CADM2: variants seen among roughly 807,000 people sequenced by gnomAD.
The protein encoded by CADM2 is immunoglobulin superfamily member 4D.
Under a neutral mutation model 49.8 loss-of-function variants are expected in CADM2, and 12 were observed. The observed-to-expected ratio is 0.24, with a 90% confidence interval of 0.15 to 0.39. CADM2 has a LOEUF of 0.39. Ranked by LOEUF, CADM2 falls within the 10% of genes least tolerant of loss-of-function variation. CADM2 has a pLI of 1.00. For synonymous variants in CADM2, 214 were observed against 175.4 expected (o/e 1.22, Z -1.74); for missense variants, 378 against 492.3 (o/e 0.77, Z 2.20).
chr3:84,985,831 T>G (rs2032520298), intron 1 of CADM2, among the ~76,000 whole-genome samples: 1 of 152,198 alleles, frequency 6.6e-6, no homozygotes, highest in South Asian at 2.1e-4. Context: ...TGAAGTACCT[T>G]CAATGCAATT....
intron 8 of CADM2, among the ~76,000 whole-genome samples, chr3:85,995,905 A>C (rs550809837): frequency 1.2e-3 from 183 of 151,906 alleles, no homozygotes; most frequent in Non-Finnish European, 2.0e-3. Context: ...CTGGCTAACC[A>C]GGTGAAACAC....
At chr3:84,976,826 A>T (rs1317601309) in intron 1 of CADM2, among the ~76,000 whole-genome samples, 1 of 151,958 alleles carries the variant, frequency 6.6e-6, no homozygotes. Flanking sequence ...TTACTCTGGC[A>T]TATCATCTTA....
chr3:85,041,416 C>T (rs2035436196), intron 1 of CADM2, among the ~76,000 whole-genome samples: 2 of 151,966 alleles, frequency 1.3e-5, no homozygotes, highest in Admixed American at 6.6e-5. Flanking sequence ...GACAGAGAGA[C>T]GGAGTAAGAA....
chr3:85,046,478 G>C (rs2035661210), intron 1 of CADM2, among the ~76,000 whole-genome samples: 1 of 151,900 alleles, frequency 6.6e-6, no homozygotes. Context: ...GTAAAACACA[G>C]TATATCAGTT....
intron 8 of CADM2, among the ~76,000 whole-genome samples, chr3:85,973,454 C>T (rs555967216): frequency 6.6e-6 from 1 of 151,732 alleles, no homozygotes; most frequent in African/African-American, 2.4e-5. Context: ...CAAAAGTTTA[C>T]CATGAAGTTC....
chr3:85,734,167 C>T (rs1269888913), intron 2 of CADM2, among the ~76,000 whole-genome samples: 2 of 152,018 alleles, frequency 1.3e-5, no homozygotes, highest in Non-Finnish European at 2.9e-5. Context: ...TTATCACTGG[C>T]AAAGTGTACA....
intron 1 of CADM2, among the ~76,000 whole-genome samples, chr3:85,499,017 A>G (rs1336071264): frequency 6.6e-6 from 1 of 152,182 alleles, no homozygotes; most frequent in Non-Finnish European, 1.5e-5. Flanking sequence ...TCAGGGAGCC[A>G]GGATTTTATT....
chr3:85,282,590 T>C (rs1031240823), intron 1 of CADM2, among the ~76,000 whole-genome samples: 1 of 151,894 alleles, frequency 6.6e-6, no homozygotes, highest in Non-Finnish European at 1.5e-5. Context: ...TATTTTTACC[T>C]TTAAACTGAA....
At chr3:85,550,387 T>C (rs753964328) in intron 1 of CADM2, among the ~76,000 whole-genome samples, 1 of 152,318 alleles carries the variant, frequency 6.6e-6, no homozygotes, top group African/African-American at 2.4e-5. Context: ...TAGTTCTCAA[T>C]GTGTGGTCCC....
intron 1 of CADM2, among the ~76,000 whole-genome samples, chr3:85,425,359 CT>C (rs1338974447): frequency 1.3e-5 from 2 of 152,014 alleles, no homozygotes; most frequent in Non-Finnish European, 2.9e-5. Context: ...TCTTGTTTTC[CT>C]TTTATTTTTA....
rs550723768 is a variant in CADM2, at chr3:84,959,628, C to G, written c.21C>G (p.Ala7=). Residue 7 remains alanine, a synonymous_variant, in exon 1 of 10, where the codon GCC becomes GCG. Coordinates refer to ENST00000383699, the MANE Select transcript of CADM2 (RefSeq NM_001167675.2). MIWKRS[A]VLRFYSVCGL... ...GGACCATGATTTGGAAACGCAGCGC[C>G]GTTCTCCGCTTCTACAGTGTCTGCG... 10 of 1,537,006 alleles carry G rather than the reference C, an allele frequency of 6.5e-6. No individual in the cohort carries two copies. The highest frequency in any genetic ancestry group is 2.0e-5 in the Admixed American group (1 of 50,986).
chr3:85,303,685 T>C (rs1234049407), intron 1 of CADM2, among the ~76,000 whole-genome samples: 2 of 151,956 alleles, frequency 1.3e-5, no homozygotes, highest in South Asian at 2.1e-4. Flanking sequence ...AAATAGCCTA[T>C]ATAATGTCAA....
At chr3:85,690,737 CT>C (rs573854391) in intron 1 of CADM2, among the ~76,000 whole-genome samples, 22 of 152,086 alleles carry the variant, frequency 1.4e-4, no homozygotes, top group Non-Finnish European at 2.8e-4. Context: ...GTCATATTCT[CT>C]TTTTTAGAAA....
chr3:85,759,093 G>A (rs994163820), intron 2 of CADM2, among the ~76,000 whole-genome samples: 2 of 151,884 alleles, frequency 1.3e-5, no homozygotes, highest in African/African-American at 2.4e-5. Context: ...TCAAACAGAG[G>A]CTGATTTCAT....
rs137901341 is a variant in CADM2, at chr3:86,058,463, G to T, written c.971-7142G>T. Among the ~76,000 whole-genome samples the T allele has an allele frequency of 2.6e-5, 4 of 152,144 alleles. No individual in the cohort carries two copies. The East Asian group carries it at 7.8e-4, about 29-fold the overall frequency. The stretch of plus-strand genomic sequence containing the variant: ...GGGAAATAAGTATTCACATTCTAAA[G>T]ATGAGAAGGCTAAAAAACCTGACCT... On this transcript the variant is annotated intron_variant, in intron 8 of 9. Transcript: ENST00000383699.
At chr3:85,879,249 A>AT (rs556757550) in intron 3 of CADM2, among the ~76,000 whole-genome samples, 18 of 151,804 alleles carry the variant, frequency 1.2e-4, no homozygotes, top group African/African-American at 4.1e-4. Context: ...TGAAATAGAC[A>AT]TTTTTTTTAA....
intron 1 of CADM2, among the ~76,000 whole-genome samples, chr3:85,164,145 T>A (rs532496845): frequency 6.6e-6 from 1 of 152,242 alleles, no homozygotes; most frequent in African/African-American, 2.4e-5. Flanking sequence ...ATTTTGCCTT[T>A]GGATTTTTCT....
rs1402463414 is a variant in CADM2 at position 86,004,906 on chromosome 3, T to G, written c.970+43259T>G. ...ACTGACCATGCTATATACACCAGCT[T>G]TCCTGGCTCTTGATCTACAGAAGGC... On this transcript the variant is annotated intron_variant, in intron 8 of 9. Coordinates refer to ENST00000383699, the MANE Select transcript of CADM2 (RefSeq NM_001167675.2). Among the ~76,000 whole-genome samples the G allele has an allele frequency of 5.3e-5, 8 of 152,222 alleles. No individual in the cohort carries two copies. The East Asian group carries it at 1.4e-3, about 26-fold the overall frequency.
At chr3:85,070,742 C>T (rs1276654710) in intron 1 of CADM2, among the ~76,000 whole-genome samples, 2 of 152,070 alleles carry the variant, frequency 1.3e-5, no homozygotes, top group South Asian at 2.1e-4. Flanking sequence ...CCTGTAATTA[C>T]AGCACTTTGG....
Sources: allele counts gnomAD v4.1 joint callset (sites outside exome capture counted in the v4.1 genomes callset), GRCh38; gene constraint gnomAD v4.1.1; transcripts MANE v1.5; gene names NCBI Gene and HGNC (gene_info 2026-07-23, HGNC 2026-07-21).